The following PPIE variants were observed in gnomAD, a reference collection of about 807,000 sequenced individuals.
PPIE encodes peptidyl-prolyl cis-trans isomerase E.
Under a neutral mutation model 38.4 loss-of-function variants are expected in PPIE, and 20 were observed. The ratio of observed to expected loss-of-function variants is 0.52; its 90% CI spans 0.37 to 0.76. The LOEUF (loss-of-function observed/expected upper bound fraction) is 0.76, where lower values mean the gene tolerates loss of function less well. PPIE is among the 30% of genes least tolerant of loss of function. PPIE has a pLI of 0.00. For synonymous variants in PPIE, 142 were observed against 135.7 expected (o/e 1.05, Z -0.32); for missense variants, 322 against 385.8 (o/e 0.83, Z 1.39).
At chr1:39,748,780 A>G (rs1389899255) in intron 7 of PPIE, 123 bp from the exon 8 acceptor site, 1 of 852,774 alleles carries the variant, frequency 1.2e-6, no homozygotes, top group East Asian at 2.7e-5. Flanking sequence ...TAGTATCACA[A>G]AGGTTTATAA....
intron 2 of PPIE, 45 bp from the exon 3 acceptor site, chr1:39,741,321 C>G: frequency 6.3e-7 from 1 of 1,585,586 alleles, no homozygotes; most frequent in South Asian, 1.1e-5. Flanking sequence ...TTTCTTCCCA[C>G]TACCCCACAT....
At chr1:39,747,141 C>G (rs1044717961) in intron 7 of PPIE, 1 of 152,186 alleles carries the variant, frequency 6.6e-6, no homozygotes, top group Non-Finnish European at 1.5e-5. Flanking sequence ...GTGCCTCATT[C>G]CTTTTTGTGG....
At chr1:39,750,759 A>G (rs762972023) in intron 8 of PPIE, among the ~76,000 whole-genome samples, 5 of 152,038 alleles carry the variant, frequency 3.3e-5, no homozygotes, top group Non-Finnish European at 7.4e-5. Flanking sequence ...CCTGACCCTT[A>G]AACACTGAAG....
At chr1:39,750,195 C>T (rs1466515806) in intron 8 of PPIE, among the ~76,000 whole-genome samples, 1 of 152,120 alleles carries the variant, frequency 6.6e-6, no homozygotes, top group Non-Finnish European at 1.5e-5. Context: ...TCACCCATGC[C>T]CCTGGTCCCC....
At chr1:39,744,930 T>G (rs887343854) in intron 6 of PPIE, among the ~76,000 whole-genome samples, 3 of 152,138 alleles carry the variant, frequency 2.0e-5, no homozygotes, top group Non-Finnish European at 2.9e-5. Context: ...TTCCATGTAG[T>G]TAGCCAGTGT....
At chr1:39,745,288 G>A in intron 6 of PPIE, 87 bp from the exon 7 acceptor site, 3 of 1,561,922 alleles carry the variant, frequency 1.9e-6, no homozygotes, top group Non-Finnish European at 2.6e-6. Flanking sequence ...CACTGGAGTT[G>A]TGTTCTGGGT....
At chr1:39,745,757 C>A in intron 7 of PPIE, 1 of 407,822 alleles carries the variant, frequency 2.5e-6, no homozygotes, top group Non-Finnish European at 4.4e-6. Flanking sequence ...TAAAGAATAG[C>A]ATATACATAT....
chr1:39,741,218 A>G lies in PPIE; in HGVS notation c.131-148A>G. On this transcript the variant is annotated intron_variant, in intron 2 of 9. Coordinates refer to ENST00000324379, the MANE Select transcript of PPIE (RefSeq NM_006112.4). ...CTTAAAATATTGTATAAGAAGAATC[A>G]AGAATGAGATTCCTTCTTCCTAAAT... The G allele has an allele frequency of 4.5e-6, 3 of 672,634 alleles. No homozygotes were observed. In the South Asian group the frequency reaches 5.5e-5, roughly 12 times the overall value. 41.7% of individuals were successfully genotyped at this position (672,634 alleles called of 1,614,324 possible). A position where few individuals can be genotyped will look rare whatever the true frequency, so the allele number is the denominator to read the frequency against.
At chr1:39,741,643 T>C in intron 3 of PPIE, 2 of 623,088 alleles carry the variant, frequency 3.2e-6, no homozygotes, top group South Asian at 2.0e-5. Flanking sequence ...AGCTAGCTCA[T>C]GCACCCCTGT....
intron 9 of PPIE, 45 bp downstream of exon 9, chr1:39,753,097 G>A (rs1403259634): frequency 9.3e-6 from 15 of 1,611,558 alleles, no homozygotes; most frequent in African/African-American, 5.3e-5. Context: ...GGCCCTAGGA[G>A]CACAGCCCTG....
At position 39,738,905 on chromosome 1, in the gene PPIE, C is replaced by G. The variant is rs749129226; in HGVS notation, c.5C>G (p.Ala2Gly). Residue 2 changes from alanine (A) to glycine (G), a missense_variant, in exon 1 of 10, where the codon GCC (alanine) becomes GGC (glycine). Physicochemically the swap from Ala to Gly is moderately conservative, Grantham distance 60. Transcript: ENST00000324379. ...GCGGAAAAGCGCGCGAGCAAGATGG[C>G]CACCACCAAGCGCGTCTTGTACGTG... M[A>G]TTKRVLYVGG... 2.0e-6 allele frequency: 3 copies of G among 1,508,046 alleles called. No individual in the cohort carries two copies. The highest frequency in any genetic ancestry group is 2.7e-6 in the Non-Finnish European group (3 of 1,130,078). The allele number at this position is 1,508,046 out of a possible 1,614,324, so 93.4% of individuals were successfully genotyped here. A position where few individuals can be genotyped will look rare whatever the true frequency, so the allele number is the denominator to read the frequency against.
At chr1:39,741,463 T>C in intron 3 of PPIE, 54 bp downstream of exon 3, 2 of 1,584,102 alleles carry the variant, frequency 1.3e-6, no homozygotes, top group Non-Finnish European at 1.7e-6. Flanking sequence ...TTGTTACTGA[T>C]TACAAAGGAA....
At position 39,749,052 on chromosome 1, in the gene PPIE, G is replaced by C; in HGVS notation, c.658G>C (p.Asp220His). The C allele has an allele frequency of 6.2e-7, 1 of 1,609,478 alleles. No homozygotes were observed. Among genetic ancestry groups the C allele is most frequent in the Non-Finnish European group, 8.5e-7 (1 of 1,178,562 alleles). The change falls in exon 8 of 10, where the codon GAT becomes CAT. Residue 220 changes from aspartate (D) to histidine (H), a missense_variant. Asp to His is a moderately conservative substitution (Grantham distance 81). Transcript: ENST00000324379. ...CAAGTCCATCTATGGGAAGAAGTTC[G>C]ATGATGAAAACTTTATCCTCAAGCA... ...GGKSIYGKKF[D>H]DENFILKHTG...
chr1:39,763,322 A>G, intron 9 of PPIE: 1 of 1,005,872 alleles, frequency 9.9e-7, no homozygotes, highest in Admixed American at 2.4e-5. Context: ...CCACCCAGGA[A>G]CCCCCGGCAG....
At chr1:39,745,264 T>TG in intron 6 of PPIE, 111 bp from the exon 7 acceptor site, 1 of 1,427,534 alleles carries the variant, frequency 7.0e-7, no homozygotes, top group South Asian at 1.2e-5. Context: ...CGTCAGCACT[T>TG]GCTCCAGCCT....
chr1:39,757,866 A>C (rs1648457601), downstream of PPIE: 1 of 152,184 alleles, frequency 6.6e-6, no homozygotes, highest in South Asian at 2.1e-4. Flanking sequence ...ATTTTATTTC[A>C]TTTGGTGACT....
chr1:39,738,904 G>C lies in PPIE; in HGVS notation c.4G>C (p.Ala2Pro). MATTKRVLYVGG... is the reference protein window; with the variant it reads MPTTKRVLYVGG... ...GGCGGAAAAGCGCGCGAGCAAGATG[G>C]CCACCACCAAGCGCGTCTTGTACGT... Residue 2 changes from alanine (A) to proline (P), a missense_variant, in exon 1 of 10, where the codon GCC becomes CCC. By Grantham distance (27) the Ala-to-Pro change is conservative (BLOSUM62 -1). Transcript: ENST00000324379. The C allele has an allele frequency of 6.6e-7, 1 of 1,510,346 alleles. No individual in the cohort carries two copies. The highest frequency in any genetic ancestry group is 1.3e-5 in the South Asian group (1 of 77,196). 93.6% of individuals were successfully genotyped at this position (1,510,346 alleles called of 1,614,324 possible). A position where few individuals can be genotyped will look rare whatever the true frequency, so the allele number is the denominator to read the frequency against.
rs143710459 is a variant in PPIE, at chr1:39,748,753, T to C, written c.509-150T>C. The C allele has an allele frequency of 8.3e-4, 581 of 696,726 alleles. 2 individuals are homozygous for C. In the African/African-American group the frequency reaches 9.2e-3, roughly 11 times the overall value. The allele number at this position is 696,726 out of a possible 1,614,324, so 43.2% of individuals were successfully genotyped here. A position where few individuals can be genotyped will look rare whatever the true frequency, so the allele number is the denominator to read the frequency against. On this transcript the variant is annotated intron_variant, in intron 7 of 9. Coordinates refer to ENST00000324379, the MANE Select transcript of PPIE (RefSeq NM_006112.4). ...TCCGTCTCAAGGAAAAAGAATCCCT[T>C]ATAGTCCTTACAAGGTTAGTATCAC... is the stretch of plus-strand genomic sequence containing the variant.
chr1:39,741,187 TTATTGCTTAAAA>T (rs1422103772), intron 2 of PPIE, among the ~76,000 whole-genome samples, 167 bp from the exon 3 acceptor site: 1 of 152,244 alleles, frequency 6.6e-6, no homozygotes, highest in African/African-American at 2.4e-5. Context: ...ACAAAGTTTA[TTATTGCTTAAAA>T]TATTGTATAA....
Sources: allele counts gnomAD v4.1 joint callset (sites outside exome capture counted in the v4.1 genomes callset), GRCh38; gene constraint gnomAD v4.1.1; transcripts MANE v1.5; gene names NCBI Gene and HGNC (gene_info 2026-07-23, HGNC 2026-07-21).